Variants in USP43 observed in about 807,000 individuals in gnomAD.
USP43 encodes the protein ubiquitin carboxyl-terminal hydrolase 43.
In USP43, 33 loss-of-function variants were observed where a neutral mutation model predicts 90.7. That is an observed-to-expected ratio of 0.36 (90% CI 0.28 to 0.49). The LOEUF is 0.49. Ranked by LOEUF, USP43 falls within the 20% of genes least tolerant of loss-of-function variation. The pLI is 0.98. For synonymous variants in USP43, 598 were observed against 615.8 expected, an observed-to-expected ratio of 0.97 and a Z score of 0.43; for missense variants, 1,274 against 1,476.4, an observed-to-expected ratio of 0.86 and a Z score of 2.25.
At chr17:9,694,993 C>T (rs1725957332) in intron 9 of USP43, among the ~76,000 whole-genome samples, 1 of 152,134 alleles carries the variant, frequency 6.6e-6, no homozygotes, top group Non-Finnish European at 1.5e-5. Context: ...GGTCTTTTAC[C>T]ATAGGTAGTT....
chr17:9,712,461 G>A (rs1567679613), intron 14 of USP43, among the ~76,000 whole-genome samples: 2 of 152,202 alleles, frequency 1.3e-5, no homozygotes, highest in Admixed American at 1.3e-4. Context: ...GTGGAGGAGG[G>A]AGGGTGCACA....
Position 9,666,782 on chromosome 17 carries a change from C to A in USP43, c.740+31C>A, listed in dbSNP as rs1432636919. ...ATGGGGATGTGTTTAGAATGTATCA[C>A]CCGAGGGCTCCGCAGACTCAATTCC... On this transcript the variant is annotated intron_variant, in intron 3 of 14. Coordinates refer to ENST00000285199, the MANE Select transcript of USP43 (RefSeq NM_153210.5). 3.2e-6 allele frequency: 5 copies of A among 1,546,108 alleles called. No individual in the cohort carries two copies. In the African/African-American group the frequency reaches 4.1e-5, roughly 13 times the overall value.
At chr17:9,716,464 T>C (rs1019975053) in intron 14 of USP43, among the ~76,000 whole-genome samples, 1 of 152,180 alleles carries the variant, frequency 6.6e-6, no homozygotes, top group Non-Finnish European at 1.5e-5. Flanking sequence ...CTGTTTTAAA[T>C]AAAAAACAGC....
chr17:9,722,465 TTTG>T (rs1411397715), intron 14 of USP43, among the ~76,000 whole-genome samples: 2 of 152,190 alleles, frequency 1.3e-5, no homozygotes, highest in African/African-American at 4.8e-5. Context: ...GAAACTTGAT[TTTG>T]TTCATTTCGT....
chr17:9,670,171 T>C (rs996740819), intron 3 of USP43, among the ~76,000 whole-genome samples: 3 of 151,948 alleles, frequency 2.0e-5, no homozygotes, highest in Non-Finnish European at 4.4e-5. Context: ...CCCAAGTAGC[T>C]GGGACTACAG....
chr17:9,728,232 C>T lies in USP43; in HGVS notation c.2614C>T (p.Leu872Phe). 6.2e-7 allele frequency: 1 copy of T among 1,613,896 alleles called. No individual in the cohort carries two copies. Reference protein sequence around the residue: ...KSASPRSNVALPANSEDGGRA... With the variant: ...KSASPRSNVAFPANSEDGGRA... ...AGCATCGCCGAGGTCCAACGTCGCC[C>T]TTCCTGCTAACAGCGAAGATGGTGG... The change falls in exon 15 of 15, where the codon CTT (leucine) becomes TTT (phenylalanine). Residue 872 changes from leucine to phenylalanine, a missense_variant. This residue lies in a region of USP43 where 353 missense variants were observed against 329.7 expected (regional missense o/e 1.07). Coordinates refer to ENST00000285199, the MANE Select transcript of USP43 (RefSeq NM_153210.5). The surrounding 1 kb of genome is among the most constrained non-coding windows in gnomAD (Gnocchi z 6.2).
Position 9,696,255 on chromosome 17 carries a change from T to C in USP43, c.1457+3025T>C, listed in dbSNP as rs376970008. ...TTCAAGAAATTCTCCTGCCTCAGCC[T>C]CCCGAGCAGCTGGGACTACAGGTGC... is the stretch of plus-strand genomic sequence containing the variant. On this transcript the variant is annotated intron_variant, in intron 9 of 14. Coordinates refer to ENST00000285199, the MANE Select transcript of USP43 (RefSeq NM_153210.5). Among the ~76,000 whole-genome samples the C allele has an allele frequency of 1.4e-4, 22 of 152,212 alleles. No homozygotes were observed. In the East Asian group the frequency reaches 4.3e-3, roughly 29 times the overall value.
rs144630444 is a variant in USP43 at position 9,715,241 on chromosome 17, G to A, written c.2335+3109G>A. Among the ~76,000 whole-genome samples the A allele has an allele frequency of 1.1e-3, 163 of 152,204 alleles. 1 individual carries two copies. The highest frequency in any genetic ancestry group is 1.7e-3 in the South Asian group (8 of 4,820). On this transcript the variant is annotated intron_variant, in intron 14 of 14. Coordinates refer to ENST00000285199, the MANE Select transcript of USP43 (RefSeq NM_153210.5). ...TTTGGGAGGCCAAGGTGGGAGGATC[G>A]CGTGAGTCCAAGAAGTTAAGACTAG...
chr17:9,656,216 A>G (rs192253224), intron 1 of USP43, among the ~76,000 whole-genome samples, 187 bp from the exon 2 acceptor site: 1 of 152,190 alleles, frequency 6.6e-6, no homozygotes, highest in Non-Finnish European at 1.5e-5. Context: ...CCCTCATACC[A>G]TTTGGGGACA....
intron 1 of USP43, among the ~76,000 whole-genome samples, chr17:9,655,454 C>A (rs1912176065): frequency 6.6e-6 from 1 of 152,232 alleles, no homozygotes; most frequent in Admixed American, 6.5e-5. Context: ...ACTTCATTAT[C>A]ATCCTTTTCT....
chr17:9,718,463 G>C lies in USP43; in HGVS notation c.2335+6331G>C, dbSNP rs1241232864. ...CAGAGTTCAGTTAATTCCTTCCCCA[G>C]CGTGTGGCATTTGGGCTGCCAAAAT... On this transcript the variant is annotated intron_variant, in intron 14 of 14. Coordinates refer to ENST00000285199, the MANE Select transcript of USP43 (RefSeq NM_153210.5). 3.3e-5 allele frequency among the ~76,000 whole-genome samples: 5 copies of C among 152,122 alleles called. No homozygotes were observed. The South Asian group carries it at 6.2e-4, about 19-fold the overall frequency.
intron 2 of USP43, among the ~76,000 whole-genome samples, chr17:9,666,112 A>G (rs1245487337): frequency 1.3e-5 from 2 of 152,210 alleles, no homozygotes; most frequent in African/African-American, 2.4e-5. Context: ...AGCAGGACTG[A>G]TGGACAGAGT....
rs376489339 is a variant in USP43 at position 9,700,350 on chromosome 17, T to A, written c.1535+101T>A. On this transcript the variant is annotated intron_variant, in intron 10 of 14. Transcript: ENST00000285199. ...TCCCCCAGCACGGCTGCAGGCAGGG[T>A]GCACACATCTTTGAGCCAGTGTAAC... is the stretch of plus-strand genomic sequence containing the variant. 216 of 1,148,510 alleles carry A rather than the reference T, an allele frequency of 1.9e-4. 1 individual carries two copies. The African/African-American group carries it at 2.8e-3, about 15-fold the overall frequency. The allele number at this position is 1,148,510 out of a possible 1,614,324, so 71.1% of individuals were successfully genotyped here. A position where few individuals can be genotyped will look rare whatever the true frequency, so the allele number is the denominator to read the frequency against.
At chr17:9,717,693 AG>A (rs34931388) in intron 14 of USP43, among the ~76,000 whole-genome samples, 7,519 of 151,762 alleles carry the variant, frequency 0.05, 297 homozygotes, top group East Asian at 0.21. Context: ...CTGAAATGGG[AG>A]GGGGGCCTAT....
chr17:9,659,812 TG>T (rs1912525913), intron 2 of USP43, among the ~76,000 whole-genome samples: 3 of 122,314 alleles, frequency 2.5e-5, no homozygotes, highest in Admixed American at 7.8e-5. Flanking sequence ...AACTCAACTC[TG>T]TAACAGGGTT....
chr17:9,671,018 T>A (rs777049897), intron 3 of USP43, among the ~76,000 whole-genome samples: 29 of 152,174 alleles, frequency 1.9e-4, no homozygotes, highest in Non-Finnish European at 4.1e-4. Flanking sequence ...TGGGATGGCA[T>A]CAGCCTTCTT....
chr17:9,663,872 G>A (rs1397862194), intron 2 of USP43, among the ~76,000 whole-genome samples: 3 of 152,110 alleles, frequency 2.0e-5, no homozygotes, highest in South Asian at 4.1e-4. Flanking sequence ...TGATCCACCC[G>A]CCTTGGCCTC....
At chr17:9,649,201 G>T (rs554858997) in intron 1 of USP43, among the ~76,000 whole-genome samples, 64 of 152,198 alleles carry the variant, frequency 4.2e-4, no homozygotes, top group Non-Finnish European at 7.9e-4. Flanking sequence ...CAGCTACTCA[G>T]GAGGCTGAGA....
At chr17:9,699,995 C>T (rs971527220) in intron 9 of USP43, among the ~76,000 whole-genome samples, 177 bp from the exon 10 acceptor site, 11 of 152,202 alleles carry the variant, frequency 7.2e-5, no homozygotes, top group Non-Finnish European at 1.2e-4. Context: ...AGTTCTGAGA[C>T]GGAGCCTTCA....
Sources: gnomAD v4.1 joint callset for allele counts (sites outside exome capture counted in the v4.1 genomes callset) on GRCh38, gnomAD v4.1.1 for gene constraint, gnomAD v4.1.1 regional missense constraint, Gnocchi (gnomAD v3.1) non-coding constraint, MANE v1.5 for transcripts, NCBI Gene and HGNC (gene_info 2026-07-23, HGNC 2026-07-21) for gene names.